RNASEH1: variants seen among roughly 807,000 people sequenced by gnomAD.
RNASEH1 encodes the protein ribonuclease H1.
In RNASEH1, 27 loss-of-function variants were observed where a neutral mutation model predicts 34.6. That is an observed-to-expected ratio of 0.78 (90% CI 0.58 to 1.08). The LOEUF is 1.08. RNASEH1 is among the 50% of genes least tolerant of loss of function. RNASEH1 has a pLI of 0.00. For synonymous variants in RNASEH1, 162 were observed against 138.4 expected (o/e 1.17, Z -1.20); for missense variants, 349 against 373.6 (o/e 0.93, Z 0.54).
the RNASEH1 span, chr2:3,533,770 A>G: frequency 4.6e-5 from 7 of 152,308 alleles, no homozygotes; most frequent in Non-Finnish European, 1.0e-4. Context: ...TGTTCACAGC[A>G]GCATTCTTCA....
At position 3,545,663 on chromosome 2, in the gene RNASEH1, G is replaced by A. The variant is rs1270686714; in HGVS notation, c.*122C>T. On this transcript the variant is annotated 3_prime_UTR_variant, in exon 8 of 8. Transcript: ENST00000315212. Reference sequence around the variant, plus strand: ...AGAAGGCCACTGTGCCTGATTCCGTGTGAAAGACGCATCTGCCCATCACTG... The same window carrying A: ...AGAAGGCCACTGTGCCTGATTCCGTATGAAAGACGCATCTGCCCATCACTG... 1 of 702,276 alleles carries A rather than the reference G, an allele frequency of 1.4e-6. No homozygotes were observed. The highest frequency in any genetic ancestry group is 2.6e-6 in the Non-Finnish European group (1 of 381,916). 43.5% of individuals were successfully genotyped at this position (702,276 alleles called of 1,614,324 possible).
At chr2:3,541,092 G>A (rs893436321), downstream of RNASEH1, among the ~76,000 whole-genome samples, 1 of 152,072 alleles carries the variant, frequency 6.6e-6, no homozygotes, top group Non-Finnish European at 1.5e-5. Context: ...ACTTTGGGAG[G>A]CCGAGGCAGG....
the RNASEH1 span, among the ~76,000 whole-genome samples, chr2:3,536,267 A>G: frequency 2.0e-5 from 3 of 152,200 alleles, no homozygotes; most frequent in African/African-American, 7.2e-5. Flanking sequence ...ACAGGGAAGA[A>G]CGGTCGGCCT....
Position 3,541,808 on chromosome 2 carries a change from C to G in RNASEH1, c.*3977G>C, listed in dbSNP as rs1269004394. On this transcript the variant is annotated 3_prime_UTR_variant, in exon 8 of 8. Transcript: ENST00000315212. Reference sequence around the variant, plus strand: ...ACAGGCAAATGCATCGGTCACTTCACGTATGTGCAGTTCATTACCTGTCAG... The same window carrying G: ...ACAGGCAAATGCATCGGTCACTTCAGGTATGTGCAGTTCATTACCTGTCAG... Among the ~76,000 whole-genome samples, 1 of 152,172 alleles carries G rather than the reference C, an allele frequency of 6.6e-6. No individual in the cohort carries two copies.
At chr2:3,539,461 C>T (rs1267099104), downstream of RNASEH1, among the ~76,000 whole-genome samples, 1 of 152,170 alleles carries the variant, frequency 6.6e-6, no homozygotes, top group South Asian at 2.1e-4. Flanking sequence ...AACACAATAT[C>T]AGAGTCACCT....
At chr2:3,538,441 C>A (rs891443961), downstream of RNASEH1, among the ~76,000 whole-genome samples, 3 of 151,994 alleles carry the variant, frequency 2.0e-5, no homozygotes, top group African/African-American at 7.2e-5. Context: ...CCGCCCTGTT[C>A]CCACCCACAG....
chr2:3,556,861 A>G lies in RNASEH1; in HGVS notation c.172T>C (p.Phe58Leu). The G allele has an allele frequency of 1.9e-6, 3 of 1,614,126 alleles. No homozygotes were observed. The highest frequency in any genetic ancestry group is 2.5e-6 in the Non-Finnish European group (3 of 1,179,966). The change falls in exon 2 of 8, where the codon TTT becomes CTT. Residue 58 changes from phenylalanine to leucine, a missense_variant. Coordinates refer to ENST00000315212, the MANE Select transcript of RNASEH1 (RefSeq NM_002936.6). ...AQVDRFPAARFKKFATEDEAW... is the reference protein window; with the variant it reads ...AQVDRFPAARLKKFATEDEAW... Reference sequence around the variant, plus strand: ...TCATCCTCTGTGGCAAACTTCTTAAATCTGGCAGCAGGAAACCGGTCCACC... The same window carrying G: ...TCATCCTCTGTGGCAAACTTCTTAAGTCTGGCAGCAGGAAACCGGTCCACC...
downstream of RNASEH1, among the ~76,000 whole-genome samples, chr2:3,538,358 A>T (rs1337803889): frequency 6.6e-6 from 1 of 151,040 alleles, no homozygotes; most frequent in East Asian, 1.9e-4. Flanking sequence ...ATCTCAAAAA[A>T]ATATATATAA....
rs986823719 is a variant in RNASEH1 at position 3,541,683 on chromosome 2, C to T, written c.*4102G>A. On this transcript the variant is annotated 3_prime_UTR_variant, in exon 8 of 8. Transcript: ENST00000315212. Reference sequence around the variant, plus strand: ...TAAATTAACCTTTAGTGAGAGGGAGCAGACCAGTGGTTGCCTGAACATGGA... The same window carrying T: ...TAAATTAACCTTTAGTGAGAGGGAGTAGACCAGTGGTTGCCTGAACATGGA... Among the ~76,000 whole-genome samples, 1 of 152,194 alleles carries T rather than the reference C, an allele frequency of 6.6e-6. No individual in the cohort carries two copies. Among genetic ancestry groups the T allele is most frequent in the Non-Finnish European group, 1.5e-5 (1 of 68,040 alleles).
intron 3 of RNASEH1, among the ~76,000 whole-genome samples, chr2:3,550,705 C>T (rs1256836844): frequency 1.3e-5 from 2 of 152,220 alleles, no homozygotes; most frequent in East Asian, 1.9e-4. Context: ...GGGGTGAAGG[C>T]AATCACCTTG....
chr2:3,546,243 T>C (rs768774704), intron 7 of RNASEH1, among the ~76,000 whole-genome samples: 1 of 152,184 alleles, frequency 6.6e-6, no homozygotes, highest in African/African-American at 2.4e-5. Context: ...TCAGAAATAA[T>C]GTACTTATTT....
intron 1 of RNASEH1, 119 bp from the exon 2 acceptor site, chr2:3,557,023 G>C: frequency 1.4e-6 from 1 of 714,620 alleles, no homozygotes. Context: ...ACTGATTCCA[G>C]GAAGTCCTCC....
At chr2:3,532,359 C>T in the RNASEH1 span, 1 of 702,270 alleles carries the variant, frequency 1.4e-6, no homozygotes, top group East Asian at 2.7e-5. Context: ...TCACAGGTGC[C>T]AGCCAGAGAG....
the RNASEH1 span, chr2:3,531,953 T>C: frequency 3.0e-6 from 1 of 330,226 alleles, no homozygotes; most frequent in Non-Finnish European, 5.6e-6. Flanking sequence ...TTCATGTACC[T>C]GCCGTATAGC....
At chr2:3,536,815 G>C (rs2103254673), downstream of RNASEH1, 1 of 152,454 alleles carries the variant, frequency 6.6e-6, no homozygotes. Context: ...TCTGGAGGCT[G>C]CAAGTCTCAG....
Position 3,541,486 on chromosome 2 carries a change from G to A in RNASEH1, c.*4299C>T, listed in dbSNP as rs771339494. 3.5e-4 allele frequency among the ~76,000 whole-genome samples: 53 copies of A among 152,156 alleles called. No individual in the cohort carries two copies. The highest frequency in any genetic ancestry group is 4.4e-4 in the Non-Finnish European group (30 of 68,018). On this transcript the variant is annotated 3_prime_UTR_variant, in exon 8 of 8. Transcript: ENST00000315212. ...TTTTATTTAGAAATTGGAAATAATC[G>A]AAATATCGGTCAACAGGTAAATAAA...
Position 3,545,856 on chromosome 2 carries a change from G to C in RNASEH1, c.790C>G (p.His264Asp). The change falls in exon 8 of 8, where the codon CAT becomes GAT. Residue 264 changes from histidine to aspartate, a missense_variant. Around this residue, in one of 2 missense-constraint regions of RNASEH1, gnomAD observed 93 missense variants for 132.9 expected, o/e 0.70. Transcript: ENST00000315212. The stretch of plus-strand genomic sequence containing the variant: ...TCTTCATTGCCTATAAATCCCGAAT[G>C]ACCAGGAACATGCATCTGTTAAGAT... ...MDIQWMHVPG[H>D]SGFIGNEEAD... 1 of 1,612,052 alleles carries C rather than the reference G, an allele frequency of 6.2e-7. No homozygotes were observed. The highest frequency in any genetic ancestry group is 8.5e-7 in the Non-Finnish European group (1 of 1,178,090).
At chr2:3,548,770 C>T in intron 5 of RNASEH1, 46 bp from the exon 6 acceptor site, 1 of 1,366,728 alleles carries the variant, frequency 7.3e-7, no homozygotes, top group Non-Finnish European at 1.0e-6. Context: ...ATGTTCAACT[C>T]TGACATTACT....
At chr2:3,557,441 AT>A (rs1160970689) in intron 1 of RNASEH1, among the ~76,000 whole-genome samples, 1 of 152,254 alleles carries the variant, frequency 6.6e-6, no homozygotes, top group Non-Finnish European at 1.5e-5. Context: ...TTTGAAAAAA[AT>A]ATTAACCATT....
Sources: gnomAD v4.1 joint callset for allele counts (sites outside exome capture counted in the v4.1 genomes callset) on GRCh38, gnomAD v4.1.1 for gene constraint, gnomAD v4.1.1 regional missense constraint, MANE v1.5 for transcripts, NCBI Gene and HGNC (gene_info 2026-07-23, HGNC 2026-07-21) for gene names.